TLK2: variants seen among roughly 807,000 people sequenced by gnomAD.
TLK2 encodes tousled like kinase 2, also known as serine/threonine-protein kinase tousled-like 2.
Under a neutral mutation model 117.3 loss-of-function variants are expected in TLK2, and 6 were observed. The observed-to-expected ratio is 0.05, with a 90% CI of 0.03 to 0.10. TLK2 has a LOEUF of 0.10. Among genes scored for constraint, TLK2 ranks in the 10% least tolerant of loss-of-function variants. The probability of loss-of-function intolerance (pLI) is 1.00; values close to 1 mark genes in which losing one functional copy is unlikely to be tolerated. For missense variants in TLK2, 299 were observed against 901.2 expected (o/e 0.33, Z 8.56); for synonymous variants, 257 against 316.7 (o/e 0.81, Z 2.00).
chr17:62,524,354 T>G (rs562758666), intron 6 of TLK2, 23 bp downstream of exon 6: 1 of 1,596,084 alleles, frequency 6.3e-7, no homozygotes, highest in Non-Finnish European at 8.5e-7. Context: ...CTGGAGAAAT[T>G]TGACACCTGT....
intron 1 of TLK2, among the ~76,000 whole-genome samples, chr17:62,471,361 A>G (rs1000094671): frequency 2.6e-5 from 4 of 152,224 alleles, no homozygotes; most frequent in Admixed American, 1.3e-4. Flanking sequence ...GAAAGAATGA[A>G]TGAGTGAAGT....
chr17:62,515,221 A>G (rs2465447), intron 2 of TLK2, among the ~76,000 whole-genome samples: 50,633 of 152,118 alleles, frequency 0.33, 8,655 homozygotes, highest in Admixed American at 0.4. Flanking sequence ...TTGTTTATCC[A>G]TTCATATGTT....
At chr17:62,519,160 T>C (rs1344413775) in intron 2 of TLK2, among the ~76,000 whole-genome samples, 1 of 152,222 alleles carries the variant, frequency 6.6e-6, no homozygotes, top group Non-Finnish European at 1.5e-5. Context: ...GCTGGGATTA[T>C]AGGAGTGAGC....
chr17:62,527,658 T>C (rs1340708277), intron 6 of TLK2, among the ~76,000 whole-genome samples: 1 of 152,108 alleles, frequency 6.6e-6, no homozygotes, highest in African/African-American at 2.4e-5. Flanking sequence ...TTATTTTCAT[T>C]GGTGTGTTAT....
intron 2 of TLK2, among the ~76,000 whole-genome samples, chr17:62,506,356 C>T (rs549454648): frequency 2.6e-5 from 4 of 152,160 alleles, no homozygotes; most frequent in Non-Finnish European, 5.9e-5. Flanking sequence ...GAAGGAAGGC[C>T]ATATTAGTGA....
Position 62,559,953 on chromosome 17 carries a change from A to G in TLK2, c.721-63A>G, listed in dbSNP as rs1188584439. On this transcript the variant is annotated intron_variant, in intron 9 of 21. Transcript: ENST00000346027. ...AGAAATGATTTTTTTTTCTCTCCCT[A>G]GAAACTGCTTTTCCATTAATCTTCT... is the stretch of plus-strand genomic sequence containing the variant. 11 of 1,229,834 alleles carry G rather than the reference A, an allele frequency of 8.9e-6. No individual in the cohort carries two copies. In the Admixed American group the frequency reaches 2.0e-4, roughly 23 times the overall value. The allele number at this position is 1,229,834 out of a possible 1,614,324, so 76.2% of individuals were successfully genotyped here.
chr17:62,606,287 GCACA>G (rs147744353), intron 20 of TLK2, 46 bp downstream of exon 20: 7 of 1,169,876 alleles, frequency 6.0e-6, no homozygotes, highest in Admixed American at 1.8e-5. Context: ...TTCTTGGGTG[GCACA>G]CACACACACA....
chr17:62,580,991 A>T (rs902012836), intron 15 of TLK2, among the ~76,000 whole-genome samples: 5 of 151,922 alleles, frequency 3.3e-5, no homozygotes, highest in Admixed American at 1.3e-4. Flanking sequence ...TCTTATTTTA[A>T]TTTTTTTTAA....
chr17:62,546,913 G>C (rs548047667), intron 7 of TLK2, among the ~76,000 whole-genome samples: 52 of 152,146 alleles, frequency 3.4e-4, no homozygotes, highest in Admixed American at 2.0e-3. Context: ...TGTGTATTCA[G>C]CTGTGTCCAT....
chr17:62,531,976 C>T (rs1274216939), intron 6 of TLK2, among the ~76,000 whole-genome samples: 2 of 152,098 alleles, frequency 1.3e-5, no homozygotes, highest in African/African-American at 4.8e-5. Context: ...GAACCCTCTC[C>T]CTTGGGTGGG....
chr17:62,528,503 G>A (rs1392784884), intron 6 of TLK2, among the ~76,000 whole-genome samples: 15 of 152,066 alleles, frequency 9.9e-5, no homozygotes, highest in African/African-American at 3.6e-4. Flanking sequence ...TGCAACCTCA[G>A]CCTCCCGGGT....
intron 2 of TLK2, among the ~76,000 whole-genome samples, chr17:62,503,380 A>G (rs1408275691): frequency 1.4e-5 from 2 of 145,562 alleles, no homozygotes; most frequent in Admixed American, 1.4e-4. Flanking sequence ...TTTTATTTAG[A>G]TGAGTGGTTC....
At chr17:62,470,941 G>C (rs1763863421), upstream of TLK2, 1 of 152,464 alleles carries the variant, frequency 6.6e-6, no homozygotes, top group Non-Finnish European at 1.5e-5. Context: ...GGAAGGAAGG[G>C]AAGCTTCTCG....
In TLK2 at chr17:62,605,182, C is replaced by T. The variant is rs183811814; in HGVS notation, c.1860-948C>T. Among the ~76,000 whole-genome samples, 10 of 152,188 alleles carry T rather than the reference C, an allele frequency of 6.6e-5. No individual in the cohort carries two copies. The East Asian group carries it at 1.9e-3, about 30-fold the overall frequency. Reference sequence around the variant, plus strand: ...CTCTACTAAAAATACAAAAAATTAGCCCAGCGTGGTGGCACACGCCTGTAA... The same window carrying T: ...CTCTACTAAAAATACAAAAAATTAGTCCAGCGTGGTGGCACACGCCTGTAA... On this transcript the variant is annotated intron_variant, in intron 19 of 21. Coordinates refer to ENST00000346027, the MANE Select transcript of TLK2 (RefSeq NM_006852.6).
intron 2 of TLK2, among the ~76,000 whole-genome samples, chr17:62,506,610 A>G (rs2074714356): frequency 1.3e-5 from 2 of 152,212 alleles, no homozygotes; most frequent in Non-Finnish European, 2.9e-5. Context: ...CTTCAAGGTT[A>G]CATACCTCTT....
intron 1 of TLK2, among the ~76,000 whole-genome samples, chr17:62,473,084 T>G (rs536179905): frequency 6.6e-6 from 1 of 152,154 alleles, no homozygotes; most frequent in Non-Finnish European, 1.5e-5. Context: ...GCAGGTCATG[T>G]CTCCTGGTGT....
intron 2 of TLK2, among the ~76,000 whole-genome samples, chr17:62,520,478 A>G (rs2075960477): frequency 6.6e-6 from 1 of 151,936 alleles, no homozygotes; most frequent in African/African-American, 2.4e-5. Flanking sequence ...GGAGATCGAG[A>G]CCAGCCTGGC....
At chr17:62,495,661 A>ATATG (rs1567789557) in intron 2 of TLK2, among the ~76,000 whole-genome samples, 1 of 141,452 alleles carries the variant, frequency 7.1e-6, no homozygotes, top group African/African-American at 2.6e-5. Flanking sequence ...AATTATATAT[A>ATATG]TATATATATA....
rs1233131563 is a variant in TLK2 at position 62,479,088 on chromosome 17, G to T, written c.-208G>T. 1 of 150,138 alleles carries T rather than the reference G, an allele frequency of 6.7e-6. No individual in the cohort carries two copies. The highest frequency in any genetic ancestry group is 6.6e-5 in the Admixed American group (1 of 15,112). 9.3% of individuals were successfully genotyped at this position (150,138 alleles called of 1,614,324 possible). The stretch of plus-strand genomic sequence containing the variant: ...TCTGTACGCGAGCCCGGGGATCTGC[G>T]GCCTTCGTGCCCCCCCTCCCCCGCC... On this transcript the variant is annotated 5_prime_UTR_variant, in exon 1 of 22. Transcript: ENST00000346027.
Sources: gnomAD v4.1 joint callset for allele counts (sites outside exome capture counted in the v4.1 genomes callset) on GRCh38, gnomAD v4.1.1 for gene constraint, MANE v1.5 for transcripts, NCBI Gene and HGNC (gene_info 2026-07-23, HGNC 2026-07-21) for gene names.